Variants in FHIP2B observed in about 807,000 individuals in gnomAD.
FHIP2B encodes FHF complex subunit HOOK-interacting protein 2B.
FHIP2B carries 72 observed loss-of-function variants against 84.0 expected under a neutral mutation model. The ratio of observed to expected loss-of-function variants is 0.86; its 90% CI spans 0.71 to 1.04. The LOEUF (loss-of-function observed/expected upper bound fraction) is 1.04, where lower values mean the gene tolerates loss of function less well. Ranked by LOEUF, FHIP2B falls within the 50% of genes least tolerant of loss-of-function variation. The probability of loss-of-function intolerance (pLI) is 0.00; values close to 1 mark genes in which losing one functional copy is unlikely to be tolerated. For missense variants in FHIP2B, 972 were observed against 968.9 expected, an observed-to-expected ratio of 1.00 and a Z score of -0.04; for synonymous variants, 497 against 418.7, an observed-to-expected ratio of 1.19 and a Z score of -2.28.
rs577309670 is a variant in FHIP2B at position 22,098,059 on chromosome 8, T to C, written c.526-9T>C. ...CACCAGGTCTGGCCTCATCTCACCC[T>C]CTTTTCAGGGTAAAAAGATTGTAGG... is the stretch of plus-strand genomic sequence containing the variant. On this transcript the variant is annotated splice_polypyrimidine_tract_variant and intron_variant, in intron 5 of 16. Transcript: ENST00000289921. The C allele has an allele frequency of 1.3e-6, 2 of 1,586,902 alleles. No individual in the cohort carries two copies. The highest frequency in any genetic ancestry group is 2.7e-5 in the African/African-American group (2 of 74,392).
At chr8:22,100,030 C>A in intron 10 of FHIP2B, 137 bp downstream of exon 10, 6 of 806,640 alleles carry the variant, frequency 7.4e-6, no homozygotes, top group Non-Finnish European at 1.1e-5. Flanking sequence ...TGCCGAGCCA[C>A]TTTTATCACA....
chr8:22,102,143 A>G (rs1826155738), intron 14 of FHIP2B, 32 bp from the exon 15 acceptor site: 1 of 1,612,964 alleles, frequency 6.2e-7, no homozygotes. Context: ...CAGCCCTGCC[A>G]GCCCTCGGCT....
In FHIP2B at chr8:22,099,851, G is replaced by C. The variant is rs776251925; in HGVS notation, c.1299G>C (p.Leu433=). ...PEAPGDNPHT[L]YAHLIGHCDH... is the part of the protein sequence containing the mutation. ...CCCCCGGGGACAACCCCCACACCCTGTATGCTCATCTCATCGGGCATTGTG... is the reference window on the plus strand; with the variant it reads ...CCCCCGGGGACAACCCCCACACCCTCTATGCTCATCTCATCGGGCATTGTG... Residue 433 remains leucine (L), a synonymous_variant, in exon 10 of 17, where the codon CTG becomes CTC. Transcript: ENST00000289921. The C allele has an allele frequency of 6.2e-7, 1 of 1,612,786 alleles. No individual in the cohort carries two copies.
chr8:22,094,231 G>A (rs965467049), intron 1 of FHIP2B, among the ~76,000 whole-genome samples: 1 of 152,180 alleles, frequency 6.6e-6, no homozygotes, highest in Non-Finnish European at 1.5e-5. Flanking sequence ...GGGGTATCTA[G>A]GGAGAAGTGC....
Position 22,098,186 on chromosome 8 carries a change from T to C in FHIP2B, c.644T>C (p.Leu215Pro). ...GATGGTGCTCCTGCCAGGCCCCAGC[T>C]GGACGGGGAGTCCTGTGGGGCCCAG... The part of the protein sequence containing the change: ...SHDGAPARPQ[L>P]DGESCGAQAL... Residue 215 changes from leucine (L) to proline (P), a missense_variant, in exon 6 of 17, where the codon CTG becomes CCG. Physicochemically the swap from Leu to Pro is moderately conservative, Grantham distance 98 (BLOSUM62 -3). Transcript: ENST00000289921. 1 of 1,577,174 alleles carries C rather than the reference T, an allele frequency of 6.3e-7. No homozygotes were observed. The highest frequency in any genetic ancestry group is 1.2e-5 in the South Asian group (1 of 86,138).
At chr8:22,091,538 T>G (rs889038714) in intron 1 of FHIP2B, among the ~76,000 whole-genome samples, 4 of 152,204 alleles carry the variant, frequency 2.6e-5, no homozygotes, top group African/African-American at 4.8e-5. Flanking sequence ...GCCACCACCA[T>G]GTCTGGCCAC....
chr8:22,094,910 C>G, intron 2 of FHIP2B: 1 of 1,075,916 alleles, frequency 9.3e-7, no homozygotes, highest in Middle Eastern at 4.4e-4. Context: ...ATTCCCCTTT[C>G]CCCTGAGCCA....
chr8:22,099,395 C>T (rs1462384275), intron 9 of FHIP2B, 35 bp downstream of exon 9: 3 of 1,601,814 alleles, frequency 1.9e-6, no homozygotes, highest in Non-Finnish European at 2.6e-6. Flanking sequence ...TGACTGTGGT[C>T]TACAGTAAAC....
intron 2 of FHIP2B, chr8:22,096,084 T>C: frequency 2.4e-6 from 1 of 415,850 alleles, no homozygotes; most frequent in Non-Finnish European, 4.3e-6. Context: ...AAACCGATGC[T>C]GCTGCCCCCT....
In FHIP2B at chr8:22,098,232, TGCTGAGACCGAGGAGCTGGAC is replaced by T. The variant is rs767482632; in HGVS notation, c.692_712del (p.Ala231_Asp237del). 166 of 1,591,054 alleles carry T rather than the reference TGCTGAGACCGAGGAGCTGGAC, an allele frequency of 1.0e-4. No homozygotes were observed. Among genetic ancestry groups the T allele is most frequent in the Non-Finnish European group, 1.4e-4 (161 of 1,169,786 alleles). On this transcript the variant is annotated inframe_deletion, in exon 6 of 17. Transcript: ENST00000289921. ...CCCAGGCCTTGAACAGCCACATGCC[TGCTGAGACCGAGGAGCTGGAC>T]GGTGGGACCACAGAGAGCAACCTGA...
At position 22,098,207 on chromosome 8, in the gene FHIP2B, C is replaced by T; in HGVS notation, c.665C>T (p.Ala222Val). The change falls in exon 6 of 17, where the codon GCC (alanine) becomes GTC (valine). Residue 222 changes from alanine (A) to valine (V), a missense_variant. Coordinates refer to ENST00000289921, the MANE Select transcript of FHIP2B (RefSeq NM_022749.7). Reference sequence around the variant, plus strand: ...CAGCTGGACGGGGAGTCCTGTGGGGCCCAGGCCTTGAACAGCCACATGCCT... The same window carrying T: ...CAGCTGGACGGGGAGTCCTGTGGGGTCCAGGCCTTGAACAGCCACATGCCT... ...RPQLDGESCG[A>V]QALNSHMPAE... is the part of the protein sequence containing the mutation. 1.3e-6 allele frequency: 2 copies of T among 1,581,944 alleles called. No individual in the cohort carries two copies. The highest frequency in any genetic ancestry group is 1.7e-6 in the Non-Finnish European group (2 of 1,164,710).
chr8:22,098,178 GC>G lies in FHIP2B; in HGVS notation c.640del (p.Gln214SerfsTer12). On this transcript the variant is annotated frameshift_variant, in exon 6 of 17. Coordinates refer to ENST00000289921, the MANE Select transcript of FHIP2B (RefSeq NM_022749.7). LOFTEE classifies it high-confidence loss of function. Reference protein sequence around the residue: ...DCSHDGAPARPQLDGESCGAQ... With the variant: ...DCSHDGAPARXQLDGESCGAQ... Reference sequence around the variant, plus strand: ...GCTCCCACGATGGTGCTCCTGCCAGGCCCCAGCTGGACGGGGAGTCCTGTGG... The same window carrying G: ...GCTCCCACGATGGTGCTCCTGCCAGGCCCAGCTGGACGGGGAGTCCTGTGG... 1 of 1,575,648 alleles carries G rather than the reference GC, an allele frequency of 6.3e-7. No individual in the cohort carries two copies. Among genetic ancestry groups the G allele is most frequent in the South Asian group, 1.2e-5 (1 of 86,048 alleles).
At chr8:22,090,734 C>T (rs527570268) in intron 1 of FHIP2B, among the ~76,000 whole-genome samples, 5 of 152,176 alleles carry the variant, frequency 3.3e-5, no homozygotes, top group Non-Finnish European at 7.3e-5. Flanking sequence ...AAGCAATCCT[C>T]CCACCTCAGC....
chr8:22,101,331 A>AGT, intron 12 of FHIP2B, 109 bp from the exon 13 acceptor site: 2 of 796,148 alleles, frequency 2.5e-6, no homozygotes, highest in African/African-American at 5.3e-5. Flanking sequence ...CCTGAGTTTT[A>AGT]CTCTTTGGCC....
chr8:22,099,915 T>G, intron 10 of FHIP2B, 22 bp downstream of exon 10: 1 of 1,574,912 alleles, frequency 6.3e-7, no homozygotes, highest in South Asian at 1.2e-5. Context: ...GACCTCCATC[T>G]CTGTTCCTCT....
chr8:22,089,194 C>A lies in FHIP2B; in HGVS notation c.-60C>A. On this transcript the variant is annotated 5_prime_UTR_variant, in exon 1 of 17. Transcript: ENST00000289921. ...GGCCGCCGGGGCCACGGGGCTGCCTCCTCCGCCTAGAGCGCTGCCGCCGCC... is the reference window on the plus strand; with the variant it reads ...GGCCGCCGGGGCCACGGGGCTGCCTACTCCGCCTAGAGCGCTGCCGCCGCC... 9.7e-7 allele frequency: 1 copy of A among 1,032,906 alleles called. No homozygotes were observed. Among genetic ancestry groups the A allele is most frequent in the South Asian group, 4.5e-5 (1 of 22,300 alleles). The allele number at this position is 1,032,906 out of a possible 1,614,324, so 64.0% of individuals were successfully genotyped here.
chr8:22,099,549 G>A (rs981457064), intron 9 of FHIP2B, among the ~76,000 whole-genome samples, 155 bp from the exon 10 acceptor site: 2 of 152,174 alleles, frequency 1.3e-5, no homozygotes, highest in African/African-American at 4.8e-5. Context: ...CTAAACGAAG[G>A]CCTCCTACCC....
chr8:22,100,411 C>T, intron 10 of FHIP2B, 183 bp from the exon 11 acceptor site: 3 of 547,524 alleles, frequency 5.5e-6, no homozygotes, highest in Non-Finnish European at 8.8e-6. Context: ...CCAGGGACCA[C>T]CCAGACTTCT....
intron 1 of FHIP2B, among the ~76,000 whole-genome samples, chr8:22,091,366 C>T (rs1825484630): frequency 6.6e-6 from 1 of 151,352 alleles, no homozygotes; most frequent in African/African-American, 2.4e-5. Flanking sequence ...GCCTCAGCCT[C>T]CTGAGTAGCT....
Sources: gnomAD v4.1 joint callset for allele counts (sites outside exome capture counted in the v4.1 genomes callset) on GRCh38, gnomAD v4.1.1 for gene constraint, MANE v1.5 for transcripts, NCBI Gene and HGNC (gene_info 2026-07-23, HGNC 2026-07-21) for gene names.